Variants in KAT6B observed in about 807,000 individuals in gnomAD.
KAT6B encodes lysine acetyltransferase 6B.
Under a neutral mutation model 187.5 loss-of-function variants are expected in KAT6B, and 10 were observed. The ratio of observed to expected loss-of-function variants is 0.05; its 90% CI spans 0.03 to 0.09. The LOEUF (loss-of-function observed/expected upper bound fraction) is 0.09, where lower values mean the gene tolerates loss of function less well. Ranked by LOEUF, KAT6B falls within the 10% of genes least tolerant of loss-of-function variation. The pLI is 1.00. For missense variants in KAT6B, 1,952 were observed against 2,558.9 expected, an observed-to-expected ratio of 0.76 and a Z score of 5.12; for synonymous variants, 861 against 926.8, an observed-to-expected ratio of 0.93 and a Z score of 1.29.
intron 13 of KAT6B, among the ~76,000 whole-genome samples, chr10:75,006,551 G>A (rs1247047527): frequency 6.6e-6 from 1 of 152,102 alleles, no homozygotes; most frequent in Non-Finnish European, 1.5e-5. Context: ...CTAGACTCAA[G>A]AGATCCTCCC....
At chr10:74,887,611 C>T (rs1845373881) in intron 3 of KAT6B, among the ~76,000 whole-genome samples, 1 of 152,148 alleles carries the variant, frequency 6.6e-6, no homozygotes, top group South Asian at 2.1e-4. Flanking sequence ...AAGTGTGAGC[C>T]ACCATGCCCA....
chr10:74,880,299 C>T (rs1362012939), intron 3 of KAT6B, among the ~76,000 whole-genome samples: 5 of 152,198 alleles, frequency 3.3e-5, no homozygotes, highest in African/African-American at 1.2e-4. Flanking sequence ...GTATTTTAGA[C>T]ATGTCATATA....
Position 74,939,811 on chromosome 10 carries a change from C to A in KAT6B, c.622-20159C>A, listed in dbSNP as rs922270564. Among the ~76,000 whole-genome samples, 6 of 152,208 alleles carry A rather than the reference C, an allele frequency of 3.9e-5. No individual in the cohort carries two copies. The South Asian group carries it at 6.2e-4, about 16-fold the overall frequency. On this transcript the variant is annotated intron_variant, in intron 3 of 17. Coordinates refer to ENST00000287239, the MANE Select transcript of KAT6B (RefSeq NM_012330.4). Reference sequence around the variant, plus strand: ...AATATGTTGGAAGTGTGCAGTGATACAACCTGTCGCAATTTAAAATGCCTG... The same window carrying A: ...AATATGTTGGAAGTGTGCAGTGATAAAACCTGTCGCAATTTAAAATGCCTG...
chr10:74,860,302 A>C (rs1843089563), intron 3 of KAT6B, among the ~76,000 whole-genome samples: 1 of 152,228 alleles, frequency 6.6e-6, no homozygotes, highest in Non-Finnish European at 1.5e-5. Flanking sequence ...GTGCCTTGTG[A>C]AATGTGCATT....
At chr10:74,860,892 C>A (rs983452850) in intron 3 of KAT6B, among the ~76,000 whole-genome samples, 8 of 152,170 alleles carry the variant, frequency 5.3e-5, no homozygotes, top group Non-Finnish European at 1.2e-4. Flanking sequence ...AATCCTAGCA[C>A]TTTGGGAGGC....
rs1285004160 is a variant in KAT6B at position 74,976,279 on chromosome 10, C to T, written c.1942C>T (p.Pro648Ser). ...KVTPQMGTPS[P>S]GKGSLTDGRI... ...GACCCCTCAGATGGGGACCCCCTCA[C>T]CAGGGAAGGGGAGCTTGACAGACGG... The change falls in exon 8 of 18, where the codon CCA (proline) becomes TCA (serine). Residue 648 changes from proline to serine, a missense_variant. Transcript: ENST00000287239. 1 of 1,614,022 alleles carries T rather than the reference C, an allele frequency of 6.2e-7. No homozygotes were observed. Among genetic ancestry groups the T allele is most frequent in the Non-Finnish European group, 8.5e-7 (1 of 1,180,002 alleles).
At chr10:74,959,016 G>A (rs921756905) in intron 3 of KAT6B, among the ~76,000 whole-genome samples, 6 of 149,840 alleles carry the variant, frequency 4.0e-5, no homozygotes, top group Admixed American at 3.3e-4. Context: ...CCAGGCTGGC[G>A]ACAGAGTGAG....
rs1050304171 is a variant in KAT6B at position 75,022,350 on chromosome 10, A to C, written c.3372+119A>C. 7 of 1,087,714 alleles carry C rather than the reference A, an allele frequency of 6.4e-6. No individual in the cohort carries two copies. In the Admixed American group the frequency reaches 6.8e-5, roughly 11 times the overall value. The allele number at this position is 1,087,714 out of a possible 1,614,324, so 67.4% of individuals were successfully genotyped here. A position where few individuals can be genotyped will look rare whatever the true frequency, so the allele number is the denominator to read the frequency against. On this transcript the variant is annotated intron_variant, in intron 16 of 17. Coordinates refer to ENST00000287239, the MANE Select transcript of KAT6B (RefSeq NM_012330.4). ...TGTTCTTTAGTCGTAGTTTATGTGT[A>C]CCCAGTCCCGCTGATCATATATCAT...
At chr10:74,938,576 T>C (rs1849430620) in intron 3 of KAT6B, among the ~76,000 whole-genome samples, 1 of 152,180 alleles carries the variant, frequency 6.6e-6, no homozygotes, top group Non-Finnish European at 1.5e-5. Context: ...ATTCTTTGAG[T>C]CTTTAGATTA....
intron 2 of KAT6B, among the ~76,000 whole-genome samples, chr10:74,841,248 G>A (rs1589449167): frequency 6.6e-6 from 1 of 152,180 alleles, no homozygotes; most frequent in Non-Finnish European, 1.5e-5. Flanking sequence ...GGCAGTTGTG[G>A]CTCAGGTGAG....
chr10:74,943,149 A>T (rs1849823675), intron 3 of KAT6B, among the ~76,000 whole-genome samples: 1 of 152,216 alleles, frequency 6.6e-6, no homozygotes, highest in African/African-American at 2.4e-5. Context: ...TAGGATACAA[A>T]ATGATTATTT....
At chr10:74,897,651 C>T (rs1221512636) in intron 3 of KAT6B, among the ~76,000 whole-genome samples, 1 of 152,242 alleles carries the variant, frequency 6.6e-6, no homozygotes, top group Non-Finnish European at 1.5e-5. Flanking sequence ...AGCATCTATT[C>T]TGTGTCTTAG....
At chr10:75,017,925 G>C (rs1038460743) in intron 13 of KAT6B, among the ~76,000 whole-genome samples, 2 of 152,230 alleles carry the variant, frequency 1.3e-5, no homozygotes, top group African/African-American at 4.8e-5. Flanking sequence ...TACGTGAGTA[G>C]ACTTTGTGGA....
At chr10:74,938,249 C>T (rs1002935754) in intron 3 of KAT6B, among the ~76,000 whole-genome samples, 1 of 152,168 alleles carries the variant, frequency 6.6e-6, no homozygotes, top group Non-Finnish European at 1.5e-5. Flanking sequence ...ATCCTAGAAC[C>T]ACTGTATCAG....
At chr10:75,012,972 A>C (rs543776826) in intron 13 of KAT6B, among the ~76,000 whole-genome samples, 1 of 152,244 alleles carries the variant, frequency 6.6e-6, no homozygotes, top group East Asian at 1.9e-4. Flanking sequence ...TCAGCAGTGG[A>C]GGTCTGCTGA....
chr10:75,029,613 A>G lies in KAT6B; in HGVS notation c.4789A>G (p.Ser1597Gly). ...TLDDCQQSDH[S>G]SPVSSVHSHP... is the part of the protein sequence containing the mutation. The stretch of plus-strand genomic sequence containing the variant: ...CGACGATTGCCAACAGTCGGACCAC[A>G]GTAGCCCAGTTTCATCCGTCCACTC... Residue 1597 changes from serine to glycine, a missense_variant, in exon 18 of 18, where the codon AGT becomes GGT. Around this residue, in one of 9 missense-constraint regions of KAT6B, gnomAD observed 758 missense variants for 891.4 expected, o/e 0.85. Coordinates refer to ENST00000287239, the MANE Select transcript of KAT6B (RefSeq NM_012330.4). This position sits in a 1 kb window ranked among gnomAD's most constrained non-coding sequence, Gnocchi z 6.2. 6.2e-7 allele frequency: 1 copy of G among 1,614,170 alleles called. No individual in the cohort carries two copies.
At chr10:74,952,093 A>T (rs536249993) in intron 3 of KAT6B, among the ~76,000 whole-genome samples, 194 of 152,314 alleles carry the variant, frequency 1.3e-3, no homozygotes, top group African/African-American at 4.0e-3. Context: ...AGTGGCTCAC[A>T]TCTGTAATCC....
chr10:74,908,432 G>A (rs532049397), intron 3 of KAT6B, among the ~76,000 whole-genome samples: 80 of 151,662 alleles, frequency 5.3e-4, no homozygotes, highest in South Asian at 1.7e-3. Context: ...ATGGTGCTGC[G>A]TGCCTGTAGT....
chr10:74,917,118 A>T (rs1847748993), intron 3 of KAT6B, among the ~76,000 whole-genome samples: 1 of 152,136 alleles, frequency 6.6e-6, no homozygotes, highest in Non-Finnish European at 1.5e-5. Flanking sequence ...AAACCTGAAC[A>T]CTTCTTTGTT....
Sources: gnomAD v4.1 joint callset for allele counts (sites outside exome capture counted in the v4.1 genomes callset) on GRCh38, gnomAD v4.1.1 for gene constraint, gnomAD v4.1.1 regional missense constraint, Gnocchi (gnomAD v3.1) non-coding constraint, MANE v1.5 for transcripts, NCBI Gene and HGNC (gene_info 2026-07-23, HGNC 2026-07-21) for gene names.